The following FBXO38 variants were observed in gnomAD, a reference collection of about 807,000 sequenced individuals.
FBXO38 encodes F-box only protein 38.
A neutral mutation model predicts 131.9 loss-of-function variants in FBXO38; 53 were observed. That is an observed-to-expected ratio of 0.40 (90% CI 0.32 to 0.51). The LOEUF (loss-of-function observed/expected upper bound fraction) is 0.51. Ranked by LOEUF, FBXO38 falls within the 20% of genes least tolerant of loss-of-function variation. The probability of loss-of-function intolerance (pLI) is 0.53; values close to 1 mark genes in which losing one functional copy is unlikely to be tolerated. For synonymous variants in FBXO38, 452 were observed against 505.6 expected, an observed-to-expected ratio of 0.89 and a Z score of 1.42; for missense variants, 1,076 against 1,475.6, an observed-to-expected ratio of 0.73 and a Z score of 4.44.
intron 12 of FBXO38, among the ~76,000 whole-genome samples, chr5:148,423,392 A>G (rs150496491): frequency 6.6e-6 from 1 of 152,328 alleles, no homozygotes; most frequent in East Asian, 1.9e-4. Flanking sequence ...AAATAAGAAA[A>G]TGTTTCTATA....
rs748706886 is a variant in FBXO38 at position 148,399,131 on chromosome 5, T to A, written c.261T>A (p.Ser87Arg). The change falls in exon 3 of 22, where the codon AGT becomes AGA. Residue 87 changes from serine (S) to arginine (R), a missense_variant and splice_region_variant. Physicochemically the swap from Ser to Arg is moderately radical, Grantham distance 110 (BLOSUM62 -1). This residue lies in a region of FBXO38 where 96 missense variants were observed against 193.9 expected (regional missense o/e 0.50). Coordinates refer to ENST00000340253, the MANE Select transcript of FBXO38 (RefSeq NM_205836.3). ...CAGRWWEYMP[S>R]GFTDASFLTL... ...GGCGGTGGTGGGAATACATGCCAAG[T>A]GGTAAGTGGATTTAGTCTGTGAAGT... is the stretch of plus-strand genomic sequence containing the variant. 3.7e-6 allele frequency: 6 copies of A among 1,612,620 alleles called. No individual in the cohort carries two copies. The highest frequency in any genetic ancestry group is 2.2e-5 in the East Asian group (1 of 44,846).
intron 3 of FBXO38, 102 bp downstream of exon 3, chr5:148,399,234 T>A: frequency 7.3e-7 from 1 of 1,375,796 alleles, no homozygotes; most frequent in Non-Finnish European, 9.9e-7. Flanking sequence ...GCAATCTAAG[T>A]CACCTTGTAG....
intron 21 of FBXO38, chr5:148,441,507 T>C (rs1754682919): frequency 3.7e-6 from 1 of 271,766 alleles, no homozygotes; most frequent in East Asian, 7.8e-5. Flanking sequence ...TATAATCTTA[T>C]TTATTAAATA....
intron 3 of FBXO38, among the ~76,000 whole-genome samples, chr5:148,400,028 G>A (rs577365533): frequency 6.6e-6 from 1 of 152,118 alleles, no homozygotes; most frequent in South Asian, 2.1e-4. Flanking sequence ...TACTGGAATT[G>A]TGCAGGTGGA....
chr5:148,386,079 G>T (rs1443684085), intron 1 of FBXO38, among the ~76,000 whole-genome samples: 1 of 152,128 alleles, frequency 6.6e-6, no homozygotes, highest in Non-Finnish European at 1.5e-5. Context: ...GGCAGCCACA[G>T]AGTGACTGTA....
rs926730311 is a variant in FBXO38, at chr5:148,442,477, C to A, written c.*330C>A. The stretch of plus-strand genomic sequence containing the variant: ...TTTTTGACTGAGTCTCCATTTACTT[C>A]ATTCTTAATGATTATTGTCATCCCT... On this transcript the variant is annotated 3_prime_UTR_variant, in exon 22 of 22. Coordinates refer to ENST00000340253, the MANE Select transcript of FBXO38 (RefSeq NM_205836.3). 2.3e-5 allele frequency: 4 copies of A among 174,086 alleles called. No individual in the cohort carries two copies. The highest frequency in any genetic ancestry group is 9.5e-5 in the African/African-American group (4 of 42,180). The allele number at this position is 174,086 out of a possible 1,614,324, so 10.8% of individuals were successfully genotyped here.
intron 9 of FBXO38, 44 bp downstream of exon 9, chr5:148,410,809 T>G: frequency 1.3e-6 from 2 of 1,548,692 alleles, no homozygotes; most frequent in Non-Finnish European, 1.7e-6. Flanking sequence ...CTGTAAGAAA[T>G]TTACTTGACA....
intron 12 of FBXO38, among the ~76,000 whole-genome samples, chr5:148,421,203 A>G (rs905405946): frequency 1.3e-5 from 2 of 152,134 alleles, no homozygotes; most frequent in Admixed American, 6.5e-5. Context: ...CAACCTCACG[A>G]TCCGCCCACC....
At chr5:148,399,181 G>T in intron 3 of FBXO38, 49 bp downstream of exon 3, 2 of 1,590,144 alleles carry the variant, frequency 1.3e-6, no homozygotes, top group East Asian at 2.3e-5. Flanking sequence ...CTGGAAAGTA[G>T]TAACAATGGT....
intron 2 of FBXO38, among the ~76,000 whole-genome samples, chr5:148,396,751 G>T (rs918897912): frequency 6.6e-6 from 1 of 152,066 alleles, no homozygotes; most frequent in Admixed American, 6.6e-5. Context: ...CCTTAGGGGC[G>T]CACACCACTG....
intron 7 of FBXO38, 44 bp from the exon 8 acceptor site, chr5:148,409,079 TA>T (rs763693920): frequency 2.6e-5 from 29 of 1,100,942 alleles, no homozygotes; most frequent in Non-Finnish European, 3.9e-5. Flanking sequence ...AATACTTCAC[TA>T]AAAATGCTAT....
intron 18 of FBXO38, among the ~76,000 whole-genome samples, chr5:148,439,416 C>T (rs1754544194): frequency 6.6e-6 from 1 of 152,162 alleles, no homozygotes; most frequent in Admixed American, 6.5e-5. Flanking sequence ...GTTTAGTAGG[C>T]ATTTAAATAT....
intron 10 of FBXO38, 76 bp downstream of exon 10, chr5:148,414,382 A>G: frequency 3.3e-6 from 4 of 1,214,436 alleles, no homozygotes; most frequent in Non-Finnish European, 4.6e-6. Context: ...TCTATGTGTG[A>G]TATGATTGCA....
intron 1 of FBXO38, among the ~76,000 whole-genome samples, chr5:148,393,745 A>G (rs944306560): frequency 4.6e-5 from 7 of 152,128 alleles, no homozygotes; most frequent in African/African-American, 1.4e-4. Flanking sequence ...ATCTGAATGC[A>G]CCTCTTTTCA....
chr5:148,404,702 ATTCC>A lies in FBXO38; in HGVS notation c.613_616del (p.Pro205ValfsTer5). 6.3e-7 allele frequency: 1 copy of A among 1,580,114 alleles called. No homozygotes were observed. Among genetic ancestry groups the A allele is most frequent in the Non-Finnish European group, 8.6e-7 (1 of 1,166,058 alleles). The stretch of plus-strand genomic sequence containing the variant: ...TGTTTTAGGGGTGAATGTTCCTGAA[ATTCC>A]TTGTATCCCAATGCTAAGGCACCTT... On this transcript the variant is annotated frameshift_variant, in exon 6 of 22. Transcript: ENST00000340253. LOFTEE classifies it high-confidence loss of function.
At chr5:148,423,597 G>C (rs1753557193) in intron 12 of FBXO38, among the ~76,000 whole-genome samples, 1 of 152,158 alleles carries the variant, frequency 6.6e-6, no homozygotes, top group Non-Finnish European at 1.5e-5. Flanking sequence ...TTCAGGGGGA[G>C]GTGTGCTGTT....
rs184950687 is a variant in FBXO38 at position 148,442,191 on chromosome 5, G to C, written c.*44G>C. The stretch of plus-strand genomic sequence containing the variant: ...CAGCTATTTTGTCAGAAAGCAAGTA[G>C]GGCCATCCAGCTGCCAGAGTGCTCC... On this transcript the variant is annotated 3_prime_UTR_variant, in exon 22 of 22. Coordinates refer to ENST00000340253, the MANE Select transcript of FBXO38 (RefSeq NM_205836.3). 57 of 1,585,260 alleles carry C rather than the reference G, an allele frequency of 3.6e-5. 2 individuals are homozygous for C. The East Asian group carries it at 1.3e-3, about 35-fold the overall frequency.
chr5:148,406,860 A>G (rs1284982412), intron 7 of FBXO38, among the ~76,000 whole-genome samples: 2 of 152,186 alleles, frequency 1.3e-5, no homozygotes, highest in East Asian at 3.8e-4. Context: ...CCATCAGATG[A>G]TGATATTTAA....
Position 148,415,694 on chromosome 5 carries a change from T to G in FBXO38, c.1265-234T>G, listed in dbSNP as rs1405775247. Among the ~76,000 whole-genome samples the G allele has an allele frequency of 4.6e-5, 7 of 152,310 alleles. No homozygotes were observed. In the East Asian group the frequency reaches 1.3e-3, roughly 29 times the overall value. On this transcript the variant is annotated intron_variant, in intron 10 of 21. Transcript: ENST00000340253. ...TGTAGGTTGTTGAGTGGATCACATT[T>G]AAATCAGGGCTGATTGGATTCAAAT...
Sources: gnomAD v4.1 joint callset for allele counts (sites outside exome capture counted in the v4.1 genomes callset) on GRCh38, gnomAD v4.1.1 for gene constraint, gnomAD v4.1.1 regional missense constraint, MANE v1.5 for transcripts, NCBI Gene and HGNC (gene_info 2026-07-23, HGNC 2026-07-21) for gene names.